Variants in MAGI2 observed in about 807,000 individuals in gnomAD.
The protein encoded by MAGI2 is membrane associated guanylate kinase, WW and PDZ domain containing 2.
Under a neutral mutation model 133.3 loss-of-function variants are expected in MAGI2, and 35 were observed. That is an observed-to-expected ratio of 0.26 (90% CI 0.20 to 0.35). MAGI2 has a LOEUF of 0.35. MAGI2 is among the 10% of genes least tolerant of loss of function. The probability of loss-of-function intolerance (pLI) is 1.00; values close to 1 mark genes in which losing one functional copy is unlikely to be tolerated. For synonymous variants in MAGI2, 729 were observed against 710.6 expected, an observed-to-expected ratio of 1.03 and a Z score of -0.41; for missense variants, 1,636 against 1,863.4, an observed-to-expected ratio of 0.88 and a Z score of 2.25.
chr7:78,955,732 T>TCTTTCTTCCTTTCTTTCTTTCTTC (rs1476129528), intron 2 of MAGI2, among the ~76,000 whole-genome samples: 1 of 33,698 alleles, frequency 3.0e-5, no homozygotes, highest in African/African-American at 9.1e-5. Context: ...TCTCTTTCTT[T>TCTTTCTTCCTTTCTTTCTTTCTTC]CTTTCTTTCT....
chr7:78,780,530 T>C (rs1243629189), intron 2 of MAGI2, among the ~76,000 whole-genome samples: 1 of 152,344 alleles, frequency 6.6e-6, no homozygotes. Context: ...GTATTTCTCT[T>C]TCAGTTCCGT....
In MAGI2 at chr7:78,226,125, A is replaced by C. The variant is rs1162092158; in HGVS notation, c.2048-24932T>G. Among the ~76,000 whole-genome samples the C allele has an allele frequency of 4.6e-5, 7 of 152,186 alleles. No individual in the cohort carries two copies. The South Asian group carries it at 1.4e-3, about 31-fold the overall frequency. On this transcript the variant is annotated intron_variant, in intron 10 of 21. Transcript: ENST00000354212. Reference sequence around the variant, plus strand: ...AAAATTACTCATGTCAATTTGCCATATGAGTTTTTAATGCTTAATTTCAAT... The same window carrying C: ...AAAATTACTCATGTCAATTTGCCATCTGAGTTTTTAATGCTTAATTTCAAT...
chr7:78,058,258 T>C (rs1812852925), intron 21 of MAGI2, among the ~76,000 whole-genome samples: 2 of 151,960 alleles, frequency 1.3e-5, no homozygotes, highest in South Asian at 4.2e-4. Flanking sequence ...TCACTGCTCA[T>C]GTGTCTCAAA....
intron 2 of MAGI2, among the ~76,000 whole-genome samples, chr7:78,829,125 A>T (rs1347771288): frequency 6.6e-6 from 1 of 152,130 alleles, no homozygotes; most frequent in East Asian, 1.9e-4. Flanking sequence ...ATAGCAATTA[A>T]ACCTGCATAT....
At chr7:79,265,646 G>C (rs1406579485) in intron 1 of MAGI2, among the ~76,000 whole-genome samples, 1 of 152,044 alleles carries the variant, frequency 6.6e-6, no homozygotes, top group Non-Finnish European at 1.5e-5. Flanking sequence ...ACGTTTTAAA[G>C]ACAATGCTAT....
chr7:78,208,155 T>TTTTTAA (rs1554499970), intron 10 of MAGI2, among the ~76,000 whole-genome samples: 3 of 145,250 alleles, frequency 2.1e-5, no homozygotes, highest in Non-Finnish European at 1.5e-5. Context: ...TTTTTTTTTT[T>TTTTTAA]AATATGGGGA....
At chr7:79,156,131 A>G (rs1823756957) in intron 1 of MAGI2, among the ~76,000 whole-genome samples, 1 of 152,074 alleles carries the variant, frequency 6.6e-6, no homozygotes, top group Non-Finnish European at 1.5e-5. Flanking sequence ...TTCATGCCCT[A>G]CAAAATATAA....
chr7:79,383,678 A>T (rs1417785653), intron 1 of MAGI2, among the ~76,000 whole-genome samples: 2 of 151,604 alleles, frequency 1.3e-5, no homozygotes, highest in East Asian at 3.9e-4. Flanking sequence ...ATGATCAAGA[A>T]TCCAAAGACA....
At chr7:78,818,104 A>G (rs1040541985) in intron 2 of MAGI2, among the ~76,000 whole-genome samples, 1 of 152,208 alleles carries the variant, frequency 6.6e-6, no homozygotes, top group East Asian at 1.9e-4. Context: ...ATAAATCTGC[A>G]TAGTTTTTAT....
At chr7:79,030,809 C>G (rs1198204197) in intron 1 of MAGI2, among the ~76,000 whole-genome samples, 4 of 152,134 alleles carry the variant, frequency 2.6e-5, no homozygotes, top group Admixed American at 1.3e-4. Context: ...ATTTTAGTAT[C>G]ATGCTTTTCA....
At chr7:79,230,632 TG>T (rs1348291941) in intron 1 of MAGI2, among the ~76,000 whole-genome samples, 3 of 149,898 alleles carry the variant, frequency 2.0e-5, no homozygotes, top group Non-Finnish European at 4.5e-5. Context: ...CACTTTTTGA[TG>T]GGGTTGTTTG....
At chr7:79,118,435 A>G (rs935815115) in intron 1 of MAGI2, among the ~76,000 whole-genome samples, 1 of 152,170 alleles carries the variant, frequency 6.6e-6, no homozygotes, top group Non-Finnish European at 1.5e-5. Flanking sequence ...CTAGTTTGCA[A>G]TCAACATAGA....
chr7:79,284,644 G>C (rs906466245), intron 1 of MAGI2, among the ~76,000 whole-genome samples: 1 of 151,974 alleles, frequency 6.6e-6, no homozygotes. Context: ...GGTTATCTTT[G>C]AGAACTTAGC....
chr7:78,654,924 A>C (rs1812005726), intron 2 of MAGI2, among the ~76,000 whole-genome samples: 1 of 151,740 alleles, frequency 6.6e-6, no homozygotes, highest in Admixed American at 6.6e-5. Flanking sequence ...ATTTAAAACA[A>C]CAAATTCAAG....
intron 6 of MAGI2, among the ~76,000 whole-genome samples, chr7:78,423,083 G>A (rs190489279): frequency 2.0e-5 from 3 of 152,236 alleles, no homozygotes; most frequent in East Asian, 1.9e-4. Flanking sequence ...AAATGTTCAC[G>A]ATATGGTGTG....
chr7:78,324,346 T>C (rs1788361738), intron 9 of MAGI2, among the ~76,000 whole-genome samples: 2 of 152,178 alleles, frequency 1.3e-5, no homozygotes. Flanking sequence ...AGGCAATTAC[T>C]GAGACTCGTA....
chr7:78,967,535 A>C (rs1041684707), intron 2 of MAGI2, among the ~76,000 whole-genome samples: 3 of 151,872 alleles, frequency 2.0e-5, no homozygotes, highest in Non-Finnish European at 4.4e-5. Flanking sequence ...AATGCTAGAA[A>C]GTTTTTTCCT....
rs765938732 is a variant in MAGI2, at chr7:78,573,035, GTATATATATATATATATA to G, written c.539-51408_539-51391del. On this transcript the variant is annotated intron_variant, in intron 3 of 21. Coordinates refer to ENST00000354212, the MANE Select transcript of MAGI2 (RefSeq NM_012301.4). The stretch of plus-strand genomic sequence containing the variant: ...ATAGGATATATATATGCATATGTAT[GTATATATATATATATATA>G]TATATATATATATATATATATATAC... Among the ~76,000 whole-genome samples, 79 of 31,682 alleles carry G rather than the reference GTATATATATATATATATA, an allele frequency of 2.5e-3. 1 individual carries two copies. The highest frequency in any genetic ancestry group is 4.9e-3 in the African/African-American group (39 of 7,944). The allele number at this position is 31,682 out of a possible 152,430, so 20.8% of individuals were successfully genotyped here.
Position 79,416,725 on chromosome 7 carries a change from C to CTT in MAGI2, c.301+36293_301+36294dup, listed in dbSNP as rs1176426138. Among the ~76,000 whole-genome samples, 393 of 102,448 alleles carry CTT rather than the reference C, an allele frequency of 3.8e-3. 46 individuals carry two copies. Among genetic ancestry groups the CTT allele is most frequent in the East Asian group, 0.013 (42 of 3,134 alleles). 67.2% of individuals were successfully genotyped at this position (102,448 alleles called of 152,430 possible). The stretch of plus-strand genomic sequence containing the variant: ...TTCTTTTTTCTTTTCTTTTCTTTTT[C>CTT]TTTTTCTTTTTTTTTTTTTGAGGTG... On this transcript the variant is annotated intron_variant, in intron 1 of 21. Transcript: ENST00000354212.
Sources: gnomAD v4.1 joint callset for allele counts (sites outside exome capture counted in the v4.1 genomes callset) on GRCh38, gnomAD v4.1.1 for gene constraint, MANE v1.5 for transcripts, NCBI Gene and HGNC (gene_info 2026-07-23, HGNC 2026-07-21) for gene names.